The following KIF26B variants were observed in gnomAD, a reference collection of about 807,000 sequenced individuals.
The protein encoded by KIF26B is kinesin family member 26B.
In KIF26B, 63 loss-of-function variants were observed where a neutral mutation model predicts 151.2. The ratio of observed to expected loss-of-function variants is 0.42; its 90% CI spans 0.34 to 0.51. KIF26B has a LOEUF of 0.51. Ranked by LOEUF, KIF26B falls within the 20% of genes least tolerant of loss-of-function variation. KIF26B has a pLI of 0.07. For missense variants in KIF26B, 2,813 were observed against 2,913.6 expected (o/e 0.97, Z 0.79); for synonymous variants, 1,357 against 1,262.1 (o/e 1.08, Z -1.59).
chr1:245,449,032 TTTA>T (rs1659315626), intron 4 of KIF26B, among the ~76,000 whole-genome samples: 1 of 152,226 alleles, frequency 6.6e-6, no homozygotes, highest in Non-Finnish European at 1.5e-5. Flanking sequence ...GACTGTTTAC[TTTA>T]GCACGTCAGT....
intron 9 of KIF26B, among the ~76,000 whole-genome samples, chr1:245,640,122 G>GATCTCTCTCTCTCTCTCT (rs2043873858): frequency 1.9e-5 from 1 of 53,974 alleles, no homozygotes; most frequent in African/African-American, 7.5e-5. Flanking sequence ...ACTAATATTT[G>GATCTCTCTCTCTCTCTCT]CTCTCTCTCT....
At chr1:245,646,501 T>G (rs1239176142) in intron 10 of KIF26B, among the ~76,000 whole-genome samples, 1 of 152,214 alleles carries the variant, frequency 6.6e-6, no homozygotes, top group African/African-American at 2.4e-5. Context: ...AACTTTAGGC[T>G]GCTCAAATTA....
At chr1:245,335,810 C>A (rs1672213277) in intron 2 of KIF26B, among the ~76,000 whole-genome samples, 1 of 140,276 alleles carries the variant, frequency 7.1e-6, no homozygotes, top group East Asian at 2.2e-4. Flanking sequence ...AGGTCCCACG[C>A]AGGGAAAGAA....
chr1:245,425,735 T>C (rs1034447835), intron 4 of KIF26B, among the ~76,000 whole-genome samples: 3 of 152,222 alleles, frequency 2.0e-5, no homozygotes, highest in African/African-American at 7.2e-5. Flanking sequence ...AAAATTAGCT[T>C]CTGTAGAATT....
At chr1:245,609,799 C>A (rs200778689) in intron 8 of KIF26B, among the ~76,000 whole-genome samples, 1 of 148,236 alleles carries the variant, frequency 6.7e-6, no homozygotes, top group Non-Finnish European at 1.5e-5. Flanking sequence ...ATGCCCCTTT[C>A]AAAAAAAAAA....
chr1:245,181,730 T>G (rs1403667222), intron 2 of KIF26B, among the ~76,000 whole-genome samples: 1 of 152,030 alleles, frequency 6.6e-6, no homozygotes, highest in Admixed American at 6.6e-5. Flanking sequence ...TCTTGGGAAA[T>G]GGTGATTTTT....
At chr1:245,373,335 C>T (rs1166133270) in intron 3 of KIF26B, among the ~76,000 whole-genome samples, 3 of 152,170 alleles carry the variant, frequency 2.0e-5, no homozygotes. Flanking sequence ...GTATTTGATT[C>T]CAAGCTAATC....
chr1:245,665,665 A>G (rs1212806527), intron 10 of KIF26B, among the ~76,000 whole-genome samples: 1 of 152,210 alleles, frequency 6.6e-6, no homozygotes, highest in African/African-American at 2.4e-5. Context: ...AATTACAGGT[A>G]CATTTCAGCA....
At chr1:245,585,277 T>G (rs894490175) in intron 5 of KIF26B, among the ~76,000 whole-genome samples, 1 of 152,238 alleles carries the variant, frequency 6.6e-6, no homozygotes, top group Non-Finnish European at 1.5e-5. Context: ...TGTGCGTATG[T>G]GAAACCAATT....
At position 245,170,776 on chromosome 1, in the gene KIF26B, A is replaced by G. The variant is rs1446194532; in HGVS notation, c.465+14093A>G. 6.6e-6 allele frequency among the ~76,000 whole-genome samples: 1 copy of G among 152,194 alleles called. No homozygotes were observed. The highest frequency in any genetic ancestry group is 1.5e-5 in the Non-Finnish European group (1 of 68,018). On this transcript the variant is annotated intron_variant, in intron 2 of 14. Coordinates refer to ENST00000407071, the MANE Select transcript of KIF26B (RefSeq NM_018012.4). The surrounding 1 kb of genome is among the most constrained non-coding windows in gnomAD (Gnocchi z 4.4). ...GTTTGCTCCCAAAGGCCCACCTCCT[A>G]CTACCATCACTTTGGGGGTTAGGTT...
chr1:245,695,809 C>A (rs2044685719), intron 12 of KIF26B, among the ~76,000 whole-genome samples: 1 of 97,722 alleles, frequency 1.0e-5, no homozygotes, highest in Non-Finnish European at 2.7e-5. Flanking sequence ...CAGGACTCTC[C>A]AGGTGTTTTT....
chr1:245,357,794 C>T (rs368181328), intron 2 of KIF26B, among the ~76,000 whole-genome samples: 24 of 152,158 alleles, frequency 1.6e-4, no homozygotes, highest in African/African-American at 5.1e-4. Flanking sequence ...AAGTGAGGGA[C>T]GTGTGACAAG....
chr1:245,608,190 T>C (rs1558234718), intron 7 of KIF26B, among the ~76,000 whole-genome samples: 2 of 152,108 alleles, frequency 1.3e-5, no homozygotes, highest in African/African-American at 2.4e-5. Flanking sequence ...GAGAAAGCAG[T>C]GCACACCGTC....
chr1:245,687,476 C>A lies in KIF26B; in HGVS notation c.4493C>A (p.Ser1498Ter). 6.3e-7 allele frequency: 1 copy of A among 1,583,196 alleles called. No homozygotes were observed. Among genetic ancestry groups the A allele is most frequent in the South Asian group, 1.2e-5 (1 of 86,220 alleles). Reference protein sequence around the residue: ...DRLSSSSGEVSASPVTDNFRR... With the variant: ...DRLSSSSGEV ...CTCAGCAGCAGCAGCGGAGAGGTGT[C>A]GGCCTCCCCGGTCACTGACAACTTC... The change falls in exon 12 of 15, where the codon TCG becomes TAG. Residue 1498 changes from serine to a stop codon, truncating the protein, a stop_gained. Transcript: ENST00000407071. LOFTEE classifies it high-confidence loss of function. The surrounding 1 kb of genome is among the most constrained non-coding windows in gnomAD (Gnocchi z 4.9).
chr1:245,252,295 A>G (rs1052439823), intron 2 of KIF26B, among the ~76,000 whole-genome samples: 4 of 145,940 alleles, frequency 2.7e-5, no homozygotes, highest in African/African-American at 1.1e-4. Context: ...AAAAAAAAAG[A>G]AAAAAGAAAA....
chr1:245,287,498 C>CTTT (rs1334935128), intron 2 of KIF26B, among the ~76,000 whole-genome samples: 1 of 109,342 alleles, frequency 9.1e-6, no homozygotes. Context: ...CTCTCTCTCT[C>CTTT]TTTTTTTTTT....
chr1:245,412,897 G>A (rs755948682), intron 3 of KIF26B, among the ~76,000 whole-genome samples: 1 of 152,288 alleles, frequency 6.6e-6, no homozygotes, highest in Middle Eastern at 3.4e-3. Flanking sequence ...ACATGCACAC[G>A]TGTCGACACC....
chr1:245,250,297 A>G (rs901362237), intron 2 of KIF26B, among the ~76,000 whole-genome samples: 1 of 152,204 alleles, frequency 6.6e-6, no homozygotes, highest in Non-Finnish European at 1.5e-5. Context: ...ATGCTTTAAA[A>G]TTATTTAATA....
In KIF26B at chr1:245,366,980, G is replaced by C. The variant is rs61734839; in HGVS notation, c.612G>C (p.Thr204=). Residue 204 remains threonine (T), a synonymous_variant, in exon 3 of 15, where the codon ACG becomes ACC. Transcript: ENST00000407071. ...AGGAGGCCATCCAGATGGTGCTGAC[G>C]TTGGAGCAGGCAGCCGGCAGTGAGC... The part of the protein sequence containing the change: ...LKQEAIQMVL[T]LEQAAGSEHY... 8 of 1,613,772 alleles carry C rather than the reference G, an allele frequency of 5.0e-6. No homozygotes were observed. The African/African-American group carries it at 1.1e-4, about 22-fold the overall frequency.
Sources: gnomAD v4.1 joint callset for allele counts (sites outside exome capture counted in the v4.1 genomes callset) on GRCh38, gnomAD v4.1.1 for gene constraint, Gnocchi (gnomAD v3.1) non-coding constraint, MANE v1.5 for transcripts, NCBI Gene and HGNC (gene_info 2026-07-23, HGNC 2026-07-21) for gene names.